Variants in AUTS2 observed in about 807,000 individuals in gnomAD.
AUTS2 encodes autism susceptibility gene 2 protein.
In AUTS2, 17 loss-of-function variants were observed where a neutral mutation model predicts 112.4. That is an observed-to-expected ratio of 0.15 (90% confidence interval 0.10 to 0.23). The LOEUF (loss-of-function observed/expected upper bound fraction) is 0.23, where lower values mean the gene tolerates loss of function less well. Among genes scored for constraint, AUTS2 ranks in the 10% least tolerant of loss-of-function variants. AUTS2 has a pLI of 1.00. For missense variants in AUTS2, 1,510 were observed against 1,701.6 expected, an observed-to-expected ratio of 0.89 and a Z score of 1.98; for synonymous variants, 751 against 702.7, an observed-to-expected ratio of 1.07 and a Z score of -1.09.
At chr7:70,123,159 AGCCACC>A (rs1235376960) in intron 3 of AUTS2, among the ~76,000 whole-genome samples, 1 of 152,164 alleles carries the variant, frequency 6.6e-6, no homozygotes, top group African/African-American at 2.4e-5. Context: ...TACAGGCGTG[AGCCACC>A]ATGTTCGGCC....
At chr7:70,544,039 G>A (rs1001106995) in intron 5 of AUTS2, among the ~76,000 whole-genome samples, 1 of 152,154 alleles carries the variant, frequency 6.6e-6, no homozygotes, top group African/African-American at 2.4e-5. Flanking sequence ...CCAGTAAGCA[G>A]GCATCTTCTG....
chr7:70,395,309 TGAGAGGATCG>T (rs1794030603), intron 4 of AUTS2, among the ~76,000 whole-genome samples: 1 of 152,186 alleles, frequency 6.6e-6, no homozygotes, highest in African/African-American at 2.4e-5. Context: ...GAGGACAAGG[TGAGAGGATCG>T]CCTCTCACCA....
intron 5 of AUTS2, among the ~76,000 whole-genome samples, chr7:70,453,449 T>C (rs1796612247): frequency 6.6e-6 from 1 of 152,236 alleles, no homozygotes; most frequent in Non-Finnish European, 1.5e-5. Flanking sequence ...GAATGCCTGA[T>C]AGTGGCTTTG....
chr7:70,561,198 G>A (rs1394603889), intron 5 of AUTS2, among the ~76,000 whole-genome samples: 2 of 152,162 alleles, frequency 1.3e-5, no homozygotes, highest in Non-Finnish European at 2.9e-5. Flanking sequence ...CTCATCAGTT[G>A]TCTCTTGTTT....
intron 2 of AUTS2, among the ~76,000 whole-genome samples, chr7:70,091,587 A>G (rs1584708043): frequency 6.6e-6 from 1 of 152,036 alleles, no homozygotes; most frequent in African/African-American, 2.4e-5. Context: ...AAACTCTGGG[A>G]TTGCTGAGGT....
intron 4 of AUTS2, among the ~76,000 whole-genome samples, chr7:70,248,615 A>G (rs776074569): frequency 6.6e-6 from 1 of 151,890 alleles, no homozygotes; most frequent in Admixed American, 6.6e-5. Context: ...TGTGCATTCT[A>G]TTTTTGCCCT....
chr7:70,448,374 A>G (rs1254954420), intron 5 of AUTS2, among the ~76,000 whole-genome samples: 4 of 152,250 alleles, frequency 2.6e-5, no homozygotes, highest in Non-Finnish European at 5.9e-5. Context: ...CAGAAGAGCC[A>G]TAGATAAGCA....
chr7:70,270,128 A>T (rs547619134), intron 4 of AUTS2, among the ~76,000 whole-genome samples: 96 of 152,248 alleles, frequency 6.3e-4, no homozygotes, highest in Admixed American at 1.9e-3. Context: ...TATCCCCTCT[A>T]TCCTAAACAT....
At chr7:70,353,028 C>T (rs1215765422) in intron 4 of AUTS2, among the ~76,000 whole-genome samples, 1 of 152,186 alleles carries the variant, frequency 6.6e-6, no homozygotes, top group Non-Finnish European at 1.5e-5. Context: ...TCATTAGTTA[C>T]CTCTTCACAC....
At chr7:69,685,076 T>C (rs1478964993) in intron 1 of AUTS2, among the ~76,000 whole-genome samples, 3 of 152,216 alleles carry the variant, frequency 2.0e-5, no homozygotes, top group Non-Finnish European at 4.4e-5. Flanking sequence ...CTGAAAGATA[T>C]ACTCAGTAGC....
intron 5 of AUTS2, among the ~76,000 whole-genome samples, chr7:70,621,378 C>G (rs5017470): frequency 0.43 from 65,665 of 152,086 alleles, 14,976 homozygotes; most frequent in Middle Eastern, 0.54. Context: ...AAAATGATTA[C>G]AACATGCAGG....
chr7:69,921,305 G>A (rs1191261371), intron 2 of AUTS2, among the ~76,000 whole-genome samples: 3 of 141,646 alleles, frequency 2.1e-5, no homozygotes, highest in Non-Finnish European at 4.6e-5. Context: ...TATGTCTTCT[G>A]GTTTTAGTAT....
At chr7:69,919,375 CA>C (rs1795717673) in intron 2 of AUTS2, among the ~76,000 whole-genome samples, 1 of 152,166 alleles carries the variant, frequency 6.6e-6, no homozygotes, top group African/African-American at 2.4e-5. Flanking sequence ...TACATGTTGG[CA>C]GACTGAAGAA....
rs547103856 is a variant in AUTS2 at position 69,859,917 on chromosome 7, C to A, written c.310-39369C>A. On this transcript the variant is annotated intron_variant, in intron 1 of 18. Coordinates refer to ENST00000342771, the MANE Select transcript of AUTS2 (RefSeq NM_015570.4). The stretch of plus-strand genomic sequence containing the variant: ...ATCCAGAGTAGGACTCTCAAACTCA[C>A]ATGTTCCTGGGGTAGACAGGTAGCA... Among the ~76,000 whole-genome samples the A allele has an allele frequency of 1.8e-4, 28 of 152,248 alleles. 1 individual carries two copies. The highest frequency in any genetic ancestry group is 5.3e-4 in the African/African-American group (22 of 41,536).
chr7:70,461,064 G>T (rs575243504), intron 5 of AUTS2, among the ~76,000 whole-genome samples: 3 of 152,080 alleles, frequency 2.0e-5, no homozygotes, highest in Non-Finnish European at 4.4e-5. Flanking sequence ...CCAACCCCTG[G>T]GTTAGTTGAA....
intron 2 of AUTS2, among the ~76,000 whole-genome samples, chr7:69,921,925 A>C (rs1325356728): frequency 1.3e-5 from 2 of 151,518 alleles, no homozygotes; most frequent in African/African-American, 4.9e-5. Flanking sequence ...ATTAGTGGGC[A>C]TGGTGGCACA....
At chr7:69,973,062 G>A (rs1331686649) in intron 2 of AUTS2, among the ~76,000 whole-genome samples, 1 of 151,778 alleles carries the variant, frequency 6.6e-6, no homozygotes, top group Non-Finnish European at 1.5e-5. Flanking sequence ...ACTTTGTTGA[G>A]TCTTTCTCTT....
At chr7:70,079,179 T>C (rs1803183285) in intron 2 of AUTS2, among the ~76,000 whole-genome samples, 1 of 152,134 alleles carries the variant, frequency 6.6e-6, no homozygotes, top group Non-Finnish European at 1.5e-5. Context: ...CCAAATACCA[T>C]CTGCCAATGA....
intron 5 of AUTS2, among the ~76,000 whole-genome samples, chr7:70,517,108 A>G (rs1293789697): frequency 6.6e-6 from 1 of 152,252 alleles, no homozygotes; most frequent in East Asian, 1.9e-4. Flanking sequence ...TATGCAGCAT[A>G]TCACACAGCC....
Sources: gnomAD v4.1 joint callset for allele counts (sites outside exome capture counted in the v4.1 genomes callset) on GRCh38, gnomAD v4.1.1 for gene constraint, MANE v1.5 for transcripts, NCBI Gene and HGNC (gene_info 2026-07-23, HGNC 2026-07-21) for gene names.